Variants in SCAPER observed in about 807,000 individuals in gnomAD.
The protein encoded by SCAPER is S phase cyclin A-associated protein in the endoplasmic reticulum.
Under a neutral mutation model 182.2 loss-of-function variants are expected in SCAPER, and 98 were observed. The ratio of observed to expected loss-of-function variants is 0.54; its 90% CI spans 0.46 to 0.64. The LOEUF (loss-of-function observed/expected upper bound fraction) is 0.64. Ranked by LOEUF, SCAPER falls within the 30% of genes least tolerant of loss-of-function variation. The pLI, the probability that SCAPER is intolerant of heterozygous loss-of-function variation, is 0.00. For missense variants in SCAPER, 1,432 were observed against 1,690.0 expected, an observed-to-expected ratio of 0.85 and a Z score of 2.68; for synonymous variants, 605 against 564.6, an observed-to-expected ratio of 1.07 and a Z score of -1.01.
intron 21 of SCAPER, among the ~76,000 whole-genome samples, chr15:76,640,251 A>T (rs1167274896): frequency 6.6e-6 from 1 of 152,216 alleles, no homozygotes; most frequent in African/African-American, 2.4e-5. Flanking sequence ...TAATGATCTG[A>T]GACAAACTGT....
chr15:76,617,147 T>C (rs896819395), intron 22 of SCAPER, among the ~76,000 whole-genome samples: 6 of 152,204 alleles, frequency 3.9e-5, no homozygotes, highest in Non-Finnish European at 8.8e-5. Context: ...AGCATAAAGT[T>C]TTCACTTTGA....
intron 22 of SCAPER, among the ~76,000 whole-genome samples, chr15:76,579,732 G>A (rs930437278): frequency 1.3e-5 from 2 of 152,042 alleles, no homozygotes; most frequent in African/African-American, 2.4e-5. Flanking sequence ...TGTAATGGCC[G>A]AATGGATTAA....
At chr15:76,372,917 G>C (rs1368442183) in intron 29 of SCAPER, among the ~76,000 whole-genome samples, 2 of 152,196 alleles carry the variant, frequency 1.3e-5, no homozygotes, top group Non-Finnish European at 2.9e-5. Context: ...ATAGAAAAGA[G>C]GCTGGAGGGG....
At chr15:76,699,625 A>G (rs999961811) in intron 20 of SCAPER, among the ~76,000 whole-genome samples, 2 of 152,198 alleles carry the variant, frequency 1.3e-5, no homozygotes, top group Non-Finnish European at 1.5e-5. Context: ...GCTGGACTGC[A>G]TGCCCTGGGG....
intron 15 of SCAPER, among the ~76,000 whole-genome samples, chr15:76,739,741 G>A (rs1449168476): frequency 6.6e-6 from 1 of 152,196 alleles, no homozygotes; most frequent in Non-Finnish European, 1.5e-5. Flanking sequence ...CTGCAATTAA[G>A]GGAGGACTAC....
At chr15:76,837,268 C>T (rs1055064780) in intron 5 of SCAPER, among the ~76,000 whole-genome samples, 1 of 152,064 alleles carries the variant, frequency 6.6e-6, no homozygotes, top group African/African-American at 2.4e-5. Context: ...ACACAGCCAA[C>T]GAGCATATAA....
intron 15 of SCAPER, among the ~76,000 whole-genome samples, chr15:76,738,916 G>A (rs1409187123): frequency 6.6e-6 from 1 of 152,130 alleles, no homozygotes; most frequent in East Asian, 1.9e-4. Flanking sequence ...CTTGATGCAG[G>A]ATTGACACAA....
chr15:76,774,982 A>G lies in SCAPER; in HGVS notation c.908T>C (p.Val303Ala). 6.2e-7 allele frequency: 1 copy of G among 1,613,856 alleles called. No homozygotes were observed. Among genetic ancestry groups the G allele is most frequent in the Non-Finnish European group, 8.5e-7 (1 of 1,179,784 alleles). The change falls in exon 9 of 32, where the codon GTA (valine) becomes GCA (alanine). Residue 303 changes from valine to alanine, a missense_variant. Physicochemically the swap from Val to Ala is moderately conservative, Grantham distance 64. Transcript: ENST00000563290. ...RSKDDSDKEN[V>A]CLLPDESIQK... ...TATGCTTTCATCAGGTAAAAGACATACATTTTCTTTATCACTGTCATCCTT... is the reference window on the plus strand; with the variant it reads ...TATGCTTTCATCAGGTAAAAGACATGCATTTTCTTTATCACTGTCATCCTT...
chr15:76,371,104 T>C (rs537301195), intron 29 of SCAPER, among the ~76,000 whole-genome samples: 1 of 152,304 alleles, frequency 6.6e-6, no homozygotes, highest in East Asian at 1.9e-4. Flanking sequence ...CTAGCCCTGA[T>C]CTTTCATAGA....
In SCAPER at chr15:76,890,345, C is replaced by T. The variant is rs567552498; in HGVS notation, c.-59-6469G>A. Among the ~76,000 whole-genome samples, 174 of 151,966 alleles carry T rather than the reference C, an allele frequency of 1.1e-3. 1 individual carries two copies. The highest frequency in any genetic ancestry group is 8.3e-3 in the South Asian group (40 of 4,818). The stretch of plus-strand genomic sequence containing the variant: ...AGCAGAACTGAAGGAAATAGAGACA[C>T]AAAAAACCCTTCAAAAAATAAATGA... On this transcript the variant is annotated intron_variant, in intron 1 of 31. Transcript: ENST00000563290.
intron 23 of SCAPER, among the ~76,000 whole-genome samples, chr15:76,561,243 T>C (rs1317118977): frequency 1.3e-5 from 2 of 152,182 alleles, no homozygotes; most frequent in South Asian, 2.1e-4. Flanking sequence ...ATGTCACATG[T>C]TGGGCCAAAA....
intron 17 of SCAPER, among the ~76,000 whole-genome samples, chr15:76,720,974 G>A (rs1198504656): frequency 8.6e-5 from 13 of 152,032 alleles, no homozygotes; most frequent in African/African-American, 3.1e-4. Context: ...CATTGCTTTT[G>A]GTGTTTTAGA....
chr15:76,675,402 T>C (rs1162247903), intron 20 of SCAPER, among the ~76,000 whole-genome samples: 1 of 152,192 alleles, frequency 6.6e-6, no homozygotes, highest in Non-Finnish European at 1.5e-5. Flanking sequence ...AACAATCTTC[T>C]GCAGAAAAGT....
At chr15:76,633,198 C>T (rs2053287446) in intron 21 of SCAPER, among the ~76,000 whole-genome samples, 1 of 152,172 alleles carries the variant, frequency 6.6e-6, no homozygotes, top group African/African-American at 2.4e-5. Flanking sequence ...CTGCCATTTG[C>T]TGGGGATCTA....
At chr15:76,606,639 G>T (rs2050435263) in intron 22 of SCAPER, among the ~76,000 whole-genome samples, 1 of 151,460 alleles carries the variant, frequency 6.6e-6, no homozygotes, top group Admixed American at 6.6e-5. Flanking sequence ...CATTATTATT[G>T]TGTGGGAGTC....
At chr15:76,783,336 G>A (rs780271484) in intron 8 of SCAPER, among the ~76,000 whole-genome samples, 26 of 152,174 alleles carry the variant, frequency 1.7e-4, no homozygotes, top group Admixed American at 6.5e-4. Context: ...AAACTGGGAA[G>A]AAATCGAATC....
In SCAPER at chr15:76,354,145, A is replaced by G; in HGVS notation, c.3856-5T>C. ...GCGGCCGGACTGCACGATCACCTGA[A>G]ATGGAAGAGCAGCCCAGGTCAGCTG... is the stretch of plus-strand genomic sequence containing the variant. On this transcript the variant is annotated splice_polypyrimidine_tract_variant and splice_region_variant and intron_variant, in intron 29 of 31. Transcript: ENST00000563290. This position sits in a 1 kb window ranked among gnomAD's most constrained non-coding sequence, Gnocchi z 4.4. The G allele has an allele frequency of 6.3e-7, 1 of 1,597,048 alleles. No homozygotes were observed. Among genetic ancestry groups the G allele is most frequent in the Non-Finnish European group, 8.5e-7 (1 of 1,174,332 alleles).
At chr15:76,608,728 C>T (rs913079226) in intron 22 of SCAPER, among the ~76,000 whole-genome samples, 9 of 152,306 alleles carry the variant, frequency 5.9e-5, no homozygotes, top group South Asian at 2.1e-4. Flanking sequence ...CAATGGCGGG[C>T]GCCCCTCCCC....
chr15:76,377,077 C>A (rs1482474165), intron 28 of SCAPER, among the ~76,000 whole-genome samples: 6 of 152,192 alleles, frequency 3.9e-5, no homozygotes, highest in Non-Finnish European at 7.3e-5. Context: ...GCAGCCCACA[C>A]TGGAATGAAG....
Sources: allele counts gnomAD v4.1 joint callset (sites outside exome capture counted in the v4.1 genomes callset), GRCh38; gene constraint gnomAD v4.1.1; non-coding constraint Gnocchi (gnomAD v3.1); transcripts MANE v1.5; gene names NCBI Gene and HGNC (gene_info 2026-07-23, HGNC 2026-07-21).